The following SAMD12 variants were observed in gnomAD, a reference collection of about 807,000 sequenced individuals.
SAMD12 encodes sterile alpha motif domain-containing protein 12.
A neutral mutation model predicts 15.0 loss-of-function variants in SAMD12; 9 were observed. The observed-to-expected ratio is 0.60, with a 90% CI of 0.36 to 1.05. SAMD12 has a LOEUF of 1.05. SAMD12 is among the 50% of genes least tolerant of loss of function. The pLI is 0.01. For synonymous variants in SAMD12, 86 were observed against 90.1 expected (o/e 0.96, Z 0.25); for missense variants, 230 against 234.2 (o/e 0.98, Z 0.12).
chr8:118,213,120 T>C (rs1292623066), intron 4 of SAMD12, among the ~76,000 whole-genome samples: 1 of 152,146 alleles, frequency 6.6e-6, no homozygotes, highest in Non-Finnish European at 1.5e-5. Context: ...TTACAGGAAA[T>C]AAAAACCATG....
At chr8:118,588,085 C>T (rs185178157) in intron 1 of SAMD12, among the ~76,000 whole-genome samples, 1 of 152,094 alleles carries the variant, frequency 6.6e-6, no homozygotes, top group Non-Finnish European at 1.5e-5. Context: ...GTAATCAATC[C>T]AGATGACACT....
At chr8:118,205,083 T>A (rs888996921) in intron 4 of SAMD12, among the ~76,000 whole-genome samples, 1 of 152,200 alleles carries the variant, frequency 6.6e-6, no homozygotes, top group African/African-American at 2.4e-5. Flanking sequence ...CCCCATTCAA[T>A]CCATCGAAGG....
At chr8:118,345,984 T>C (rs1817625652) in intron 4 of SAMD12, among the ~76,000 whole-genome samples, 1 of 152,178 alleles carries the variant, frequency 6.6e-6, no homozygotes, top group South Asian at 2.1e-4. Context: ...AACCACCGTC[T>C]CCATTTGGCT....
intron 4 of SAMD12, among the ~76,000 whole-genome samples, chr8:118,339,913 G>C (rs1249821344): frequency 6.6e-6 from 1 of 152,224 alleles, no homozygotes; most frequent in Non-Finnish European, 1.5e-5. Flanking sequence ...CTGAATAAAA[G>C]AATGTGCTAC....
the SAMD12 span, among the ~76,000 whole-genome samples, chr8:118,164,397 C>A: frequency 1.3e-5 from 2 of 152,138 alleles, no homozygotes; most frequent in Admixed American, 6.5e-5. Flanking sequence ...TCGCCTCAAG[C>A]AATAAAATGG....
Position 118,621,844 on chromosome 8 carries a change from T to C in SAMD12, c.-28A>G. ...TCTCAGAGCTTCCCTAACGCATGCA[T>C]AATTTTCTTGGCCGAGGTACTCCTC... On this transcript the variant is annotated 5_prime_UTR_variant, in exon 1 of 4. The change abolishes an upstream ATG in the 5' untranslated region. Transcript: ENST00000314727. 1 of 1,613,632 alleles carries C rather than the reference T, an allele frequency of 6.2e-7. No homozygotes were observed. The highest frequency in any genetic ancestry group is 1.1e-5 in the South Asian group (1 of 91,070).
At chr8:118,230,173 G>C (rs2129917543) in intron 4 of SAMD12, among the ~76,000 whole-genome samples, 1 of 152,196 alleles carries the variant, frequency 6.6e-6, no homozygotes, top group Admixed American at 6.5e-5. Flanking sequence ...TGTGGGCCAG[G>C]CACCATGCTA....
the SAMD12 span, among the ~76,000 whole-genome samples, chr8:118,163,601 T>C: frequency 1.7e-3 from 262 of 151,934 alleles, 1 homozygote; most frequent in African/African-American, 5.6e-3. Context: ...TTCAGCCGGG[T>C]GCGGTGGCTC....
At chr8:118,159,436 C>A in the SAMD12 span, among the ~76,000 whole-genome samples, 3 of 152,178 alleles carry the variant, frequency 2.0e-5, no homozygotes, top group Non-Finnish European at 4.4e-5. Flanking sequence ...GTCTGGTTTG[C>A]CCTTGGCAAA....
At chr8:118,136,790 G>A in the SAMD12 span, among the ~76,000 whole-genome samples, 1 of 152,198 alleles carries the variant, frequency 6.6e-6, no homozygotes, top group Non-Finnish European at 1.5e-5. Flanking sequence ...ATGGCAGAAG[G>A]AGACTGTAGA....
intron 1 of SAMD12, among the ~76,000 whole-genome samples, chr8:118,604,782 C>T (rs1295132759): frequency 5.3e-5 from 8 of 151,734 alleles, no homozygotes; most frequent in Admixed American, 3.3e-4. Flanking sequence ...ATTAGGGGGG[C>T]GTGGTGGCGG....
intron 4 of SAMD12, among the ~76,000 whole-genome samples, chr8:118,279,579 A>C (rs367609579): frequency 6.6e-6 from 1 of 152,328 alleles, no homozygotes; most frequent in East Asian, 1.9e-4. Context: ...CCCACATTTG[A>C]ATTATGCTTT....
At chr8:118,339,477 C>T (rs889281892) in intron 4 of SAMD12, among the ~76,000 whole-genome samples, 1 of 152,196 alleles carries the variant, frequency 6.6e-6, no homozygotes, top group Non-Finnish European at 1.5e-5. Flanking sequence ...AGGCTGATTA[C>T]AATCAGGGCC....
intron 4 of SAMD12, among the ~76,000 whole-genome samples, chr8:118,321,297 TTTTTTTTTTTTTGG>T (rs71307446): frequency 0.33 from 31,978 of 98,156 alleles, 3,981 homozygotes; most frequent in African/African-American, 0.53. Context: ...TTTTTTTTGT[TTTTTTTTTTTTTGG>T]TTTTTTTTTA....
At chr8:118,477,155 TCC>T (rs1823984442) in intron 2 of SAMD12, among the ~76,000 whole-genome samples, 2 of 151,656 alleles carry the variant, frequency 1.3e-5, no homozygotes, top group Admixed American at 6.6e-5. Flanking sequence ...AACTTCCACC[TCC>T]CGAGTTCAAG....
intron 3 of SAMD12, among the ~76,000 whole-genome samples, chr8:118,380,397 C>A (rs997822525): frequency 2.6e-5 from 4 of 152,072 alleles, no homozygotes; most frequent in Non-Finnish European, 5.9e-5. Flanking sequence ...AAACAAGGCA[C>A]CTAGAGGTGT....
chr8:118,142,981 C>T, the SAMD12 span, among the ~76,000 whole-genome samples: 36 of 152,236 alleles, frequency 2.4e-4, no homozygotes, highest in South Asian at 4.1e-4. Flanking sequence ...CTGTTTATTA[C>T]GAAACACATC....
chr8:118,578,524 C>T (rs532523204), intron 2 of SAMD12, among the ~76,000 whole-genome samples: 134 of 152,186 alleles, frequency 8.8e-4, no homozygotes, highest in Non-Finnish European at 1.4e-3. Context: ...TAAAGTAGGC[C>T]AATTTACCGG....
intron 2 of SAMD12, among the ~76,000 whole-genome samples, chr8:118,520,417 G>T (rs965373349): frequency 6.6e-6 from 1 of 152,064 alleles, no homozygotes; most frequent in African/African-American, 2.4e-5. Flanking sequence ...TCTGTCAGGG[G>T]AAAAATCACT....
Sources: gnomAD v4.1 joint callset for allele counts (sites outside exome capture counted in the v4.1 genomes callset) on GRCh38, gnomAD v4.1.1 for gene constraint, MANE v1.5 for transcripts, NCBI Gene and HGNC (gene_info 2026-07-23, HGNC 2026-07-21) for gene names.